Variants in TUBG1 observed in about 807,000 individuals in gnomAD.
TUBG1 encodes the protein tubulin gamma-1 chain.
A neutral mutation model predicts 53.3 loss-of-function variants in TUBG1; 22 were observed. The observed-to-expected ratio is 0.41, with a 90% CI of 0.29 to 0.59. The LOEUF is 0.59. TUBG1 is among the 20% of genes least tolerant of loss of function. The probability of loss-of-function intolerance (pLI) is 0.26; values close to 1 mark genes in which losing one functional copy is unlikely to be tolerated. For missense variants in TUBG1, 217 were observed against 598.9 expected (o/e 0.36, Z 6.66); for synonymous variants, 198 against 236.7 (o/e 0.84, Z 1.50).
rs1426421549 is a variant in TUBG1 at position 42,612,976 on chromosome 17, CAG to C, written c.510_511del (p.Phe172SerfsTer80). On this transcript the variant is annotated frameshift_variant, in exon 6 of 11. Coordinates refer to ENST00000251413, the MANE Select transcript of TUBG1 (RefSeq NM_001070.5). LOFTEE classifies it high-confidence loss of function. ...CCTAAGAAGCTGGTGCAGACATACT[CAG>C]TGTTTCCCAACCAGGACGAGATGAG... is the stretch of plus-strand genomic sequence containing the variant. 5 of 1,614,138 alleles carry C rather than the reference CAG, an allele frequency of 3.1e-6. No individual in the cohort carries two copies. Among genetic ancestry groups the C allele is most frequent in the Non-Finnish European group, 4.2e-6 (5 of 1,179,996 alleles).
intron 5 of TUBG1, among the ~76,000 whole-genome samples, 167 bp from the exon 6 acceptor site, chr17:42,612,780 C>T (rs1368184287): frequency 6.6e-6 from 1 of 152,118 alleles, no homozygotes; most frequent in Non-Finnish European, 1.5e-5. Context: ...CTGCCCTTCC[C>T]CCTGTAGGGC....
intron 3 of TUBG1, among the ~76,000 whole-genome samples, chr17:42,611,582 G>A (rs1286612807): frequency 3.3e-5 from 5 of 152,170 alleles, no homozygotes; most frequent in Admixed American, 1.3e-4. Flanking sequence ...TGGGCCAGGC[G>A]TGGTGGCTCA....
intron 3 of TUBG1, 168 bp downstream of exon 3, chr17:42,610,758 G>A (rs1373310909): frequency 2.2e-6 from 2 of 927,378 alleles, no homozygotes; most frequent in Non-Finnish European, 3.2e-6. Flanking sequence ...ACTAGCTAAT[G>A]CAGTGTGCCA....
chr17:42,613,215 C>A, intron 6 of TUBG1, 142 bp downstream of exon 6: 1 of 1,351,894 alleles, frequency 7.4e-7, no homozygotes, highest in Non-Finnish European at 1.0e-6. Context: ...TTTGGGAGGC[C>A]AAGGTCGTTG....
chr17:42,612,029 C>T, intron 3 of TUBG1, 46 bp from the exon 4 acceptor site: 1 of 1,598,406 alleles, frequency 6.3e-7, no homozygotes, highest in Non-Finnish European at 8.6e-7. Flanking sequence ...GGTCAGAGAC[C>T]TCCCATGGTT....
chr17:42,613,431 A>G (rs1488998599), intron 6 of TUBG1, among the ~76,000 whole-genome samples: 1 of 152,130 alleles, frequency 6.6e-6, no homozygotes, highest in African/African-American at 2.4e-5. Context: ...TCAAAAAACA[A>G]GAACAAAAAA....
chr17:42,614,537 C>T lies in TUBG1; in HGVS notation c.1038C>T (p.Ala346=), dbSNP rs1363287156. ...AGAGGATCCGGGAACGCAAGTTGGC[C>T]AACTTCATCCCGTGGGGCCCCGCCA... is the stretch of plus-strand genomic sequence containing the variant. The part of the protein sequence containing the change: ...SLQRIRERKL[A]NFIPWGPASI... Residue 346 remains alanine (A), a synonymous_variant, in exon 10 of 11, where the codon GCC becomes GCT. Transcript: ENST00000251413. The surrounding 1 kb of genome is among the most constrained non-coding windows in gnomAD (Gnocchi z 5.1). The T allele has an allele frequency of 6.2e-7, 1 of 1,613,408 alleles. No individual in the cohort carries two copies. The highest frequency in any genetic ancestry group is 1.1e-5 in the South Asian group (1 of 91,026).
chr17:42,612,020 G>C (rs555668561), intron 3 of TUBG1, 55 bp from the exon 4 acceptor site: 2 of 1,587,886 alleles, frequency 1.3e-6, no homozygotes, highest in Non-Finnish European at 1.7e-6. Flanking sequence ...CTTTTCTGAG[G>C]TCAGAGACCT....
At position 42,613,965 on chromosome 17, in the gene TUBG1, G is replaced by A. The variant is rs1349799836; in HGVS notation, c.810G>A (p.Met270Ile). 6.2e-7 allele frequency: 1 copy of A among 1,614,150 alleles called. No homozygotes were observed. Among genetic ancestry groups the A allele is most frequent in the Admixed American group, 1.7e-5 (1 of 60,026 alleles). ...LIPTPRLHFLMTGYTPLTTDQ... is the reference protein window; with the variant it reads ...LIPTPRLHFLITGYTPLTTDQ... ...CCACCCCACGGCTCCACTTCCTCAT[G>A]ACCGGCTACACCCCTCTCACTACGG... is the stretch of plus-strand genomic sequence containing the variant. The change falls in exon 8 of 11, where the codon ATG becomes ATA. Residue 270 changes from methionine (M) to isoleucine (I), a missense_variant. Around this residue, in one of 4 missense-constraint regions of TUBG1, gnomAD observed 135 missense variants for 371.2 expected, o/e 0.36. Transcript: ENST00000251413.
rs533937743 is a variant in TUBG1, at chr17:42,612,769, T to C, written c.480-178T>C. Among the ~76,000 whole-genome samples the C allele has an allele frequency of 5.9e-5, 9 of 152,226 alleles. No homozygotes were observed. The South Asian group carries it at 1.9e-3, about 32-fold the overall frequency. On this transcript the variant is annotated intron_variant, in intron 5 of 10. Transcript: ENST00000251413. ...TTGGAAGCCCAGAGTCTAAGATGTC[T>C]CTGCCCTTCCCCCTGTAGGGCTACA...
chr17:42,610,244 G>T lies in TUBG1; in HGVS notation c.162+24G>T, dbSNP rs372432683. The T allele has an allele frequency of 6.3e-4, 1,011 of 1,614,014 alleles. No individual in the cohort carries two copies. Among genetic ancestry groups the T allele is most frequent in the Non-Finnish European group, 8.1e-4 (960 of 1,180,018 alleles). On this transcript the variant is annotated intron_variant, in intron 2 of 10. Transcript: ENST00000251413. ...AGGTGCCCCCAGCGACTTGGCCGGGGGCGGCAGTTGCCCAAGGGGGCGGAA... is the reference window on the plus strand; with the variant it reads ...AGGTGCCCCCAGCGACTTGGCCGGGTGCGGCAGTTGCCCAAGGGGGCGGAA...
intron 5 of TUBG1, 143 bp from the exon 6 acceptor site, chr17:42,612,804 A>G (rs2052046809): frequency 1.7e-6 from 2 of 1,185,294 alleles, no homozygotes; most frequent in African/African-American, 3.1e-5. Context: ...AGACTTCCAA[A>G]AGTCAAGGCT....
At position 42,612,554 on chromosome 17, in the gene TUBG1, A is replaced by C. The variant is rs573298105; in HGVS notation, c.479+48A>C. On this transcript the variant is annotated intron_variant, in intron 5 of 10. Coordinates refer to ENST00000251413, the MANE Select transcript of TUBG1 (RefSeq NM_001070.5). ...GGAAAGGTCTCCAACTTGGCTTCCT[A>C]AATGACTAGGGGACCCAGCAGATAT... The C allele has an allele frequency of 6.7e-4, 1,052 of 1,571,364 alleles. 11 individuals are homozygous for C. In the South Asian group the frequency reaches 0.011, roughly 16 times the overall value.
At position 42,613,690 on chromosome 17, in the gene TUBG1, G is replaced by A; in HGVS notation, c.650G>A (p.Arg217His). 1.9e-6 allele frequency: 3 copies of A among 1,614,062 alleles called. No individual in the cohort carries two copies. Among genetic ancestry groups the A allele is most frequent in the Non-Finnish European group, 2.5e-6 (3 of 1,180,012 alleles). ...NTALNRIATD[R>H]LHIQNPSFSQ... Reference sequence around the variant, plus strand: ...GCCCTGAACCGGATTGCCACAGACCGCCTGCACATCCAGAACCCATCCTTC... The same window carrying A: ...GCCCTGAACCGGATTGCCACAGACCACCTGCACATCCAGAACCCATCCTTC... The change falls in exon 7 of 11, where the codon CGC becomes CAC. Residue 217 changes from arginine to histidine, a missense_variant. Transcript: ENST00000251413.
Position 42,609,683 on chromosome 17 carries a change from G to A in TUBG1, c.-55G>A. 1 of 1,528,102 alleles carries A rather than the reference G, an allele frequency of 6.5e-7. No homozygotes were observed. Among genetic ancestry groups the A allele is most frequent in the East Asian group, 2.4e-5 (1 of 40,832 alleles). 94.7% of individuals were successfully genotyped at this position (1,528,102 alleles called of 1,614,324 possible). On this transcript the variant is annotated 5_prime_UTR_variant, in exon 1 of 11. Coordinates refer to ENST00000251413, the MANE Select transcript of TUBG1 (RefSeq NM_001070.5). The stretch of plus-strand genomic sequence containing the variant: ...GCCTGCGTCTTGCGGCGAGCGGGCT[G>A]GCGTGCGGCGCCGTTGCGGGCGGGA...
intron 6 of TUBG1, 54 bp from the exon 7 acceptor site, chr17:42,613,593 G>A: frequency 6.2e-7 from 1 of 1,613,384 alleles, no homozygotes; most frequent in South Asian, 1.1e-5. Flanking sequence ...GGGTCAGGCA[G>A]AGCTCCTGTT....
intron 7 of TUBG1, 39 bp from the exon 8 acceptor site, chr17:42,613,810 C>T: frequency 1.2e-6 from 2 of 1,614,156 alleles, no homozygotes; most frequent in Non-Finnish European, 1.7e-6. Context: ...GGAGGTCCCA[C>T]CCAGGCTGAG....
In TUBG1 at chr17:42,615,019, C is replaced by T. The variant is rs201265277; in HGVS notation, c.1334C>T (p.Ser445Phe). The change falls in exon 11 of 11, where the codon TCC becomes TTC. Residue 445 changes from serine to phenylalanine, a missense_variant. By Grantham distance (155) the Ser-to-Phe change is radical (BLOSUM62 -2). Transcript: ENST00000251413. Reference sequence around the variant, plus strand: ...GCGGCCACACGGCCAGACTACATCTCCTGGGGCACCCAGGAGCAGTGAGTC... The same window carrying T: ...GCGGCCACACGGCCAGACTACATCTTCTGGGGCACCCAGGAGCAGTGAGTC... ...YHAATRPDYI[S>F]WGTQEQ The T allele has an allele frequency of 1.2e-6, 2 of 1,614,154 alleles. No individual in the cohort carries two copies. Among genetic ancestry groups the T allele is most frequent in the African/African-American group, 1.3e-5 (1 of 75,044 alleles).
Position 42,612,518 on chromosome 17 carries a change from T to C in TUBG1, c.479+12T>C, listed in dbSNP as rs1480401129. The C allele has an allele frequency of 6.2e-7, 1 of 1,613,860 alleles. No homozygotes were observed. The highest frequency in any genetic ancestry group is 8.5e-7 in the Non-Finnish European group (1 of 1,179,868). ...CGGCTGAATGACAGGTAAGTTTGTG[T>C]TTGGGGATTAGGAAAGGTCTCCAAC... is the stretch of plus-strand genomic sequence containing the variant. On this transcript the variant is annotated intron_variant, in intron 5 of 10. Transcript: ENST00000251413.
Sources: gnomAD v4.1 joint callset for allele counts (sites outside exome capture counted in the v4.1 genomes callset) on GRCh38, gnomAD v4.1.1 for gene constraint, gnomAD v4.1.1 regional missense constraint, Gnocchi (gnomAD v3.1) non-coding constraint, MANE v1.5 for transcripts, NCBI Gene and HGNC (gene_info 2026-07-23, HGNC 2026-07-21) for gene names.